Variants in EXOC2 observed in about 807,000 individuals in gnomAD.
The protein encoded by EXOC2 is exocyst complex component 2.
In EXOC2, 70 loss-of-function variants were observed where a neutral mutation model predicts 131.8. The observed-to-expected ratio is 0.53, with a 90% CI of 0.44 to 0.65. The LOEUF is 0.65. Among genes scored for constraint, EXOC2 ranks in the 30% least tolerant of loss-of-function variants. The pLI is 0.00. For missense variants in EXOC2, 923 were observed against 1,108.6 expected, an observed-to-expected ratio of 0.83 and a Z score of 2.38; for synonymous variants, 411 against 398.4, an observed-to-expected ratio of 1.03 and a Z score of -0.38.
intron 1 of EXOC2, among the ~76,000 whole-genome samples, chr6:674,235 G>C (rs1191827935): frequency 6.6e-6 from 1 of 152,036 alleles, no homozygotes; most frequent in African/African-American, 2.4e-5. Context: ...GATAATTACA[G>C]AACAAGTGTT....
At chr6:687,557 C>G (rs1764721004) in intron 1 of EXOC2, among the ~76,000 whole-genome samples, 1 of 152,084 alleles carries the variant, frequency 6.6e-6, no homozygotes, top group Admixed American at 6.6e-5. Flanking sequence ...TCACCCAGAT[C>G]CTCAAAAGAT....
rs1761087255 is a variant in EXOC2 at position 617,759 on chromosome 6, C to A, written c.613G>T (p.Val205Leu). 1 of 1,613,524 alleles carries A rather than the reference C, an allele frequency of 6.2e-7. No individual in the cohort carries two copies. The highest frequency in any genetic ancestry group is 1.7e-5 in the Admixed American group (1 of 59,936). ...AAGAATGTACTGAGACCGCCTTTCA[C>A]ATAGGCCAGGCTGCCCTCACTCTTC... ...NKKSEGSLAYVKGGLSTFFEA... is the reference protein window; with the variant it reads ...NKKSEGSLAYLKGGLSTFFEA... The change falls in exon 6 of 28, where the codon GTG (valine) becomes TTG (leucine). Residue 205 changes from valine to leucine, a missense_variant. Transcript: ENST00000230449.
At chr6:528,260 G>A (rs541292623) in intron 23 of EXOC2, among the ~76,000 whole-genome samples, 92 of 151,098 alleles carry the variant, frequency 6.1e-4, no homozygotes, top group African/African-American at 1.9e-3. Context: ...TAAATTTATT[G>A]GTAACTACAG....
chr6:616,551 T>A (rs376231113), intron 6 of EXOC2, among the ~76,000 whole-genome samples: 2 of 124,622 alleles, frequency 1.6e-5, no homozygotes, highest in Non-Finnish European at 3.1e-5. Context: ...TGCAGTGAGC[T>A]GAGATCGCGC....
intron 4 of EXOC2, among the ~76,000 whole-genome samples, chr6:627,939 T>C (rs567814147): frequency 2.4e-4 from 36 of 152,382 alleles, no homozygotes; most frequent in African/African-American, 8.4e-4. Flanking sequence ...ATGTACATAA[T>C]GTTATTTTAA....
intron 10 of EXOC2, among the ~76,000 whole-genome samples, chr6:593,945 G>A (rs1349671284): frequency 6.6e-6 from 1 of 152,226 alleles, no homozygotes; most frequent in Non-Finnish European, 1.5e-5. Flanking sequence ...CCCAGCTGAT[G>A]GGGAGGGACT....
chr6:598,203 C>T (rs1339322544), intron 9 of EXOC2, 80 bp from the exon 10 acceptor site: 69 of 1,188,174 alleles, frequency 5.8e-5, no homozygotes, highest in Non-Finnish European at 1.7e-5. Context: ...ATAGTAGTTG[C>T]TTTTGTGGGG....
At chr6:670,152 T>C (rs1364894207) in intron 1 of EXOC2, 4 of 152,128 alleles carry the variant, frequency 2.6e-5, no homozygotes, top group Admixed American at 2.0e-4. Context: ...TCCAGGACAG[T>C]GTAAGAAGCA....
chr6:492,350 C>T (rs1463540067), intron 25 of EXOC2, among the ~76,000 whole-genome samples: 2 of 152,156 alleles, frequency 1.3e-5, no homozygotes, highest in Admixed American at 6.5e-5. Context: ...TCTGGCAGTT[C>T]CTCAGAAGAT....
chr6:526,356 T>C (rs1765736677), intron 23 of EXOC2, among the ~76,000 whole-genome samples: 2 of 152,212 alleles, frequency 1.3e-5, no homozygotes, highest in Non-Finnish European at 2.9e-5. Context: ...CTTATATTTA[T>C]TGGCCATATT....
At chr6:607,638 G>A (rs559679533) in intron 7 of EXOC2, among the ~76,000 whole-genome samples, 1 of 152,334 alleles carries the variant, frequency 6.6e-6, no homozygotes, top group Non-Finnish European at 1.5e-5. Context: ...AGTTGTACTA[G>A]TCACATTGGA....
At chr6:579,319 C>G (rs1250026762) in intron 11 of EXOC2, among the ~76,000 whole-genome samples, 1 of 151,996 alleles carries the variant, frequency 6.6e-6, no homozygotes, top group Non-Finnish European at 1.5e-5. Flanking sequence ...CCTTTAATAA[C>G]AGAAACTGTA....
intron 26 of EXOC2, among the ~76,000 whole-genome samples, chr6:490,366 G>A (rs1342724871): frequency 6.6e-6 from 1 of 152,188 alleles, no homozygotes; most frequent in East Asian, 1.9e-4. Context: ...GACAAACGAT[G>A]GCTGGGAAAA....
chr6:644,011 ATAAAT>A (rs1762471965), intron 1 of EXOC2, among the ~76,000 whole-genome samples: 1 of 150,868 alleles, frequency 6.6e-6, no homozygotes, highest in African/African-American at 2.4e-5. Context: ...TAAAGATTAA[ATAAAT>A]TAAATTCATT....
At chr6:617,437 C>T (rs1157428641) in intron 6 of EXOC2, among the ~76,000 whole-genome samples, 2 of 152,232 alleles carry the variant, frequency 1.3e-5, no homozygotes, top group African/African-American at 2.4e-5. Context: ...GATTTAATTT[C>T]GTATCAGCCC....
chr6:543,783 A>G (rs1204823019), intron 22 of EXOC2, among the ~76,000 whole-genome samples: 2 of 152,228 alleles, frequency 1.3e-5, no homozygotes, highest in Admixed American at 1.3e-4. Context: ...GTCAGGGAAC[A>G]CATAAAAGAG....
chr6:545,290 A>G (rs1561839819), intron 22 of EXOC2, among the ~76,000 whole-genome samples: 4 of 152,302 alleles, frequency 2.6e-5, no homozygotes, highest in East Asian at 1.9e-4. Context: ...AGACTGGGAC[A>G]GATTAAAAAA....
chr6:540,084 G>T (rs1324175898), intron 22 of EXOC2, among the ~76,000 whole-genome samples: 1 of 152,166 alleles, frequency 6.6e-6, no homozygotes, highest in Non-Finnish European at 1.5e-5. Context: ...GTTAGCGAGG[G>T]CTTCCAAGCC....
intron 11 of EXOC2, among the ~76,000 whole-genome samples, chr6:582,405 G>C (rs1326543555): frequency 6.6e-6 from 1 of 151,728 alleles, no homozygotes; most frequent in Non-Finnish European, 1.5e-5. Context: ...AGGGAACACT[G>C]ATCTGCAGCC....
Sources: gnomAD v4.1 joint callset for allele counts (sites outside exome capture counted in the v4.1 genomes callset) on GRCh38, gnomAD v4.1.1 for gene constraint, MANE v1.5 for transcripts, NCBI Gene and HGNC (gene_info 2026-07-23, HGNC 2026-07-21) for gene names.